The following SPAG16 variants were observed in gnomAD, a reference collection of about 807,000 sequenced individuals.
The protein encoded by SPAG16 is sperm-associated antigen 16 protein.
SPAG16 carries 86 observed loss-of-function variants against 80.4 expected under a neutral mutation model. The ratio of observed to expected loss-of-function variants is 1.07; its 90% CI spans 0.90 to 1.28. The LOEUF (loss-of-function observed/expected upper bound fraction) is 1.28. SPAG16 is among the 50% of genes most tolerant of loss of function. The probability of loss-of-function intolerance (pLI) is 0.00; values close to 1 mark genes in which losing one functional copy is unlikely to be tolerated. For synonymous variants in SPAG16, 294 were observed against 265.9 expected (o/e 1.11, Z -1.03); for missense variants, 870 against 765.3 (o/e 1.14, Z -1.61).
intron 10 of SPAG16, among the ~76,000 whole-genome samples, chr2:213,672,106 T>A (rs534778926): frequency 2.6e-4 from 39 of 152,268 alleles, no homozygotes; most frequent in South Asian, 2.5e-3. Flanking sequence ...TGGAAATGAA[T>A]AGGTTTAGAC....
At chr2:213,905,474 T>C (rs945543271) in intron 11 of SPAG16, among the ~76,000 whole-genome samples, 5 of 152,212 alleles carry the variant, frequency 3.3e-5, no homozygotes, top group African/African-American at 1.2e-4. Context: ...TTTATAAAAC[T>C]TGAAGAAGTG....
At chr2:213,354,735 T>TTACAA (rs2065531890) in intron 7 of SPAG16, among the ~76,000 whole-genome samples, 1 of 152,212 alleles carries the variant, frequency 6.6e-6, no homozygotes, top group South Asian at 2.1e-4. Context: ...GTAAATTTGT[T>TTACAA]GAAGTTATTT....
chr2:214,371,608 C>T (rs1699821314), intron 15 of SPAG16, among the ~76,000 whole-genome samples: 1 of 149,664 alleles, frequency 6.7e-6, no homozygotes, highest in Middle Eastern at 3.5e-3. Context: ...TCATATAAGC[C>T]AACAATATAA....
intron 10 of SPAG16, among the ~76,000 whole-genome samples, chr2:213,600,128 TTTTAA>T (rs10565923): frequency 0.32 from 48,284 of 151,802 alleles, 8,020 homozygotes; most frequent in Middle Eastern, 0.47. Flanking sequence ...TCTTTATATT[TTTTAA>T]TTTAATTTGG....
At chr2:214,223,772 A>C (rs1231922785) in intron 15 of SPAG16, among the ~76,000 whole-genome samples, 1 of 152,206 alleles carries the variant, frequency 6.6e-6, no homozygotes, top group Non-Finnish European at 1.5e-5. Flanking sequence ...TCCTGCCTTT[A>C]ATAAATAGGT....
intron 15 of SPAG16, among the ~76,000 whole-genome samples, chr2:214,206,083 A>G (rs1303844315): frequency 6.6e-6 from 1 of 152,070 alleles, no homozygotes. Flanking sequence ...GTAGTCCCAC[A>G]TAATCAGGAG....
rs189915216 is a variant in SPAG16 at position 213,625,440 on chromosome 2, T to C, written c.1070+135350T>C. On this transcript the variant is annotated intron_variant, in intron 10 of 15. Coordinates refer to ENST00000331683, the MANE Select transcript of SPAG16 (RefSeq NM_024532.5). Reference sequence around the variant, plus strand: ...CCCCCGTAAATATATATACCGACTATGTACCCACAACAATTTAAAAAAATA... The same window carrying C: ...CCCCCGTAAATATATATACCGACTACGTACCCACAACAATTTAAAAAAATA... 1.5e-3 allele frequency among the ~76,000 whole-genome samples: 232 copies of C among 152,202 alleles called. 2 individuals are homozygous for C. The highest frequency in any genetic ancestry group is 5.1e-3 in the African/African-American group (213 of 41,540).
chr2:214,217,100 C>T (rs995495521), intron 15 of SPAG16, among the ~76,000 whole-genome samples: 16 of 152,146 alleles, frequency 1.1e-4, no homozygotes, highest in African/African-American at 3.9e-4. Flanking sequence ...CACAAACTCA[C>T]ATTTTAATAA....
intron 13 of SPAG16, among the ~76,000 whole-genome samples, chr2:214,082,413 AT>A (rs2051443634): frequency 6.6e-6 from 1 of 152,308 alleles, no homozygotes; most frequent in East Asian, 1.9e-4. Flanking sequence ...TGGGAACCTG[AT>A]ACGTTGACTC....
chr2:214,238,255 A>T (rs762570492), intron 15 of SPAG16: 8 of 323,354 alleles, frequency 2.5e-5, no homozygotes, highest in Non-Finnish European at 4.3e-5. Flanking sequence ...ATATGATGAG[A>T]TATTTTATGC....
chr2:213,787,313 C>G (rs1834770), intron 10 of SPAG16, among the ~76,000 whole-genome samples: 1 of 152,134 alleles, frequency 6.6e-6, no homozygotes, highest in Admixed American at 6.5e-5. Flanking sequence ...GGTATTGATG[C>G]TTTCTATTTG....
At chr2:213,925,639 T>C (rs1178983029) in intron 11 of SPAG16, among the ~76,000 whole-genome samples, 1 of 152,230 alleles carries the variant, frequency 6.6e-6, no homozygotes, top group East Asian at 1.9e-4. Flanking sequence ...GACATGGGCC[T>C]CTATGCCCAG....
Position 213,498,926 on chromosome 2 carries a change from A to C in SPAG16, c.1070+8836A>C, listed in dbSNP as rs1004336853. Among the ~76,000 whole-genome samples the C allele has an allele frequency of 8.5e-5, 13 of 152,184 alleles. 1 individual carries two copies. In the South Asian group the frequency reaches 2.5e-3, roughly 29 times the overall value. ...ACTTAGGCTTCCCCAGCAGTTTCCC[A>C]TGGTCTGCCTCCAGTCACTCCTCCA... On this transcript the variant is annotated intron_variant, in intron 10 of 15. Coordinates refer to ENST00000331683, the MANE Select transcript of SPAG16 (RefSeq NM_024532.5).
intron 9 of SPAG16, among the ~76,000 whole-genome samples, chr2:213,387,696 C>A (rs1360555125): frequency 6.6e-6 from 1 of 151,390 alleles, no homozygotes; most frequent in African/African-American, 2.4e-5. Flanking sequence ...CCTCGTGATC[C>A]GCCCGCCTCG....
rs566936392 is a variant in SPAG16, at chr2:213,420,381, C to A, written c.942+45262C>A. On this transcript the variant is annotated intron_variant, in intron 9 of 15. Coordinates refer to ENST00000331683, the MANE Select transcript of SPAG16 (RefSeq NM_024532.5). ...TTTCTTCAGAAACTGACTGATAGTA[C>A]CTGTTTTTGAGATGACAAAAAGAGA... Among the ~76,000 whole-genome samples the A allele has an allele frequency of 6.6e-5, 10 of 152,240 alleles. 2 individuals carry two copies. In the South Asian group the frequency reaches 2.1e-3, roughly 32 times the overall value.
chr2:213,441,358 A>G (rs1559136219), intron 9 of SPAG16, among the ~76,000 whole-genome samples: 1 of 152,224 alleles, frequency 6.6e-6, no homozygotes, highest in Non-Finnish European at 1.5e-5. Context: ...AATGTCTTCT[A>G]TACGCATAGT....
rs572607396 is a variant in SPAG16 at position 214,081,515 on chromosome 2, C to A, written c.1528-26681C>A. The stretch of plus-strand genomic sequence containing the variant: ...AGAGAGAGAGAATGCCATATAAAGA[C>A]AGAGGCCGAGATTGTAATGCTGCAT... On this transcript the variant is annotated intron_variant, in intron 13 of 15. Coordinates refer to ENST00000331683, the MANE Select transcript of SPAG16 (RefSeq NM_024532.5). 9.2e-5 allele frequency among the ~76,000 whole-genome samples: 14 copies of A among 152,250 alleles called. No individual in the cohort carries two copies. The South Asian group carries it at 2.9e-3, about 32-fold the overall frequency.
chr2:213,349,035 A>T (rs1238518448), intron 6 of SPAG16, among the ~76,000 whole-genome samples: 3 of 152,324 alleles, frequency 2.0e-5, no homozygotes, highest in African/African-American at 4.8e-5. Context: ...CCACAACCAA[A>T]TTAAATTAGA....
At chr2:213,678,265 A>G (rs1052206695) in intron 10 of SPAG16, among the ~76,000 whole-genome samples, 2 of 152,138 alleles carry the variant, frequency 1.3e-5, no homozygotes, top group South Asian at 2.1e-4. Context: ...AAATAACTAA[A>G]ATCAGAGCAG....
Sources: gnomAD v4.1 joint callset for allele counts (sites outside exome capture counted in the v4.1 genomes callset) on GRCh38, gnomAD v4.1.1 for gene constraint, MANE v1.5 for transcripts, NCBI Gene and HGNC (gene_info 2026-07-23, HGNC 2026-07-21) for gene names.